The following FGGY variants were observed in gnomAD, a reference collection of about 807,000 sequenced individuals.
FGGY encodes FGGY carbohydrate kinase domain containing.
FGGY carries 72 observed loss-of-function variants against 71.3 expected under a neutral mutation model. The observed-to-expected ratio is 1.01, with a 90% CI of 0.84 to 1.23. FGGY has a LOEUF of 1.23. Among genes scored for constraint, FGGY ranks in the 50% most tolerant of loss-of-function variants. FGGY has a pLI of 0.00. For synonymous variants in FGGY, 251 were observed against 250.3 expected (o/e 1.00, Z -0.02); for missense variants, 668 against 682.3 (o/e 0.98, Z 0.23).
intron 4 of FGGY, among the ~76,000 whole-genome samples, chr1:59,351,590 C>T (rs2053309376): frequency 6.6e-6 from 1 of 152,160 alleles, no homozygotes; most frequent in Non-Finnish European, 1.5e-5. Flanking sequence ...AACCAAATGG[C>T]TGGTGCACAG....
chr1:59,558,971 C>T (rs997102646), intron 8 of FGGY, among the ~76,000 whole-genome samples: 35 of 152,184 alleles, frequency 2.3e-4, no homozygotes, highest in Non-Finnish European at 3.2e-4. Context: ...TCTTTTTGCC[C>T]GACCCCACAG....
chr1:59,737,739 G>A (rs1307587939), intron 14 of FGGY, among the ~76,000 whole-genome samples: 1 of 152,218 alleles, frequency 6.6e-6, no homozygotes, highest in African/African-American at 2.4e-5. Context: ...TCTCAGAGGT[G>A]ACGCTGGACT....
chr1:59,336,528 C>T (rs1389393106), intron 2 of FGGY, among the ~76,000 whole-genome samples: 1 of 142,238 alleles, frequency 7.0e-6, no homozygotes, highest in Non-Finnish European at 1.5e-5. Context: ...GCAGAAAGTG[C>T]AGGTTTGTTA....
At chr1:59,482,400 A>G (rs2093505431) in intron 6 of FGGY, among the ~76,000 whole-genome samples, 1 of 152,140 alleles carries the variant, frequency 6.6e-6, no homozygotes, top group African/African-American at 2.4e-5. Flanking sequence ...TATATGAATC[A>G]TGGACAAATG....
intron 1 of FGGY, among the ~76,000 whole-genome samples, chr1:59,317,370 T>C (rs1483158320): frequency 1.3e-5 from 2 of 152,170 alleles, no homozygotes; most frequent in Non-Finnish European, 2.9e-5. Flanking sequence ...TATAATAAAG[T>C]GGTGATAGGT....
intron 12 of FGGY, 71 bp from the exon 13 acceptor site, chr1:59,667,212 C>T: frequency 6.3e-7 from 1 of 1,588,154 alleles, no homozygotes; most frequent in South Asian, 1.1e-5. Flanking sequence ...ACTGAGTAGA[C>T]ATTTAAGAAG....
chr1:59,653,725 C>T (rs1017428763), intron 11 of FGGY, among the ~76,000 whole-genome samples: 7 of 152,372 alleles, frequency 4.6e-5, no homozygotes, highest in Non-Finnish European at 7.3e-5. Flanking sequence ...GCGTTGCTCA[C>T]GCTGGGAGCT....
chr1:59,733,461 GT>G (rs139679887), intron 14 of FGGY, among the ~76,000 whole-genome samples: 8 of 145,094 alleles, frequency 5.5e-5, no homozygotes, highest in East Asian at 4.0e-4. Flanking sequence ...GTTTTGTTTT[GT>G]TTTTTTGTTT....
chr1:59,712,103 A>T (rs1161057592), intron 14 of FGGY, among the ~76,000 whole-genome samples: 1 of 152,206 alleles, frequency 6.6e-6, no homozygotes, highest in East Asian at 1.9e-4. Context: ...GGGTAAATAC[A>T]GCCATTCCAA....
intron 14 of FGGY, among the ~76,000 whole-genome samples, chr1:59,728,182 A>G (rs2097972646): frequency 6.6e-6 from 1 of 151,860 alleles, no homozygotes; most frequent in Non-Finnish European, 1.5e-5. Flanking sequence ...CTCCTCTCTT[A>G]GCATATCAAT....
chr1:59,529,869 C>T (rs1570734010), intron 7 of FGGY, among the ~76,000 whole-genome samples: 1 of 152,194 alleles, frequency 6.6e-6, no homozygotes, highest in African/African-American at 2.4e-5. Context: ...CTTTTTAAAA[C>T]AAATCCATGC....
At chr1:59,350,403 A>T (rs1056589654) in intron 4 of FGGY, among the ~76,000 whole-genome samples, 4 of 152,182 alleles carry the variant, frequency 2.6e-5, no homozygotes, top group African/African-American at 9.7e-5. Context: ...TGCTTTGGGA[A>T]AAAGGATTTG....
At chr1:59,727,838 A>G (rs1421214970) in intron 14 of FGGY, among the ~76,000 whole-genome samples, 2 of 152,086 alleles carry the variant, frequency 1.3e-5, no homozygotes, top group African/African-American at 4.8e-5. Flanking sequence ...CTTGTCTCCA[A>G]TGTCTCTTTT....
At chr1:59,426,886 A>G (rs558648777) in intron 5 of FGGY, among the ~76,000 whole-genome samples, 1 of 151,934 alleles carries the variant, frequency 6.6e-6, no homozygotes, top group South Asian at 2.1e-4. Context: ...GGTTGCCTGC[A>G]ATTCTGTCAG....
intron 7 of FGGY, among the ~76,000 whole-genome samples, chr1:59,548,342 T>C (rs924065507): frequency 3.3e-5 from 5 of 152,224 alleles, no homozygotes; most frequent in African/African-American, 1.2e-4. Flanking sequence ...ACCCTGCTCA[T>C]GCCAGGCAAT....
intron 8 of FGGY, among the ~76,000 whole-genome samples, chr1:59,583,896 T>C (rs1455083093): frequency 7.0e-6 from 1 of 143,760 alleles, no homozygotes; most frequent in Non-Finnish European, 1.5e-5. Flanking sequence ...TGGAAGCAGG[T>C]CTGATGCAGC....
intron 5 of FGGY, among the ~76,000 whole-genome samples, chr1:59,383,722 C>T (rs538621120): frequency 6.0e-4 from 91 of 152,324 alleles, no homozygotes; most frequent in Middle Eastern, 6.8e-3. Flanking sequence ...CCCAGACATT[C>T]TTTTCTATTG....
chr1:59,474,298 C>A (rs532366908), intron 6 of FGGY: 2 of 152,328 alleles, frequency 1.3e-5, no homozygotes, highest in East Asian at 3.9e-4. Flanking sequence ...AGGTCACCCC[C>A]AACTTCTCTT....
At chr1:59,563,721 C>T (rs2095831290) in intron 8 of FGGY, among the ~76,000 whole-genome samples, 2 of 152,180 alleles carry the variant, frequency 1.3e-5, no homozygotes, top group African/African-American at 4.8e-5. Context: ...AAAAAAGAGC[C>T]TGTATAGCCA....
Sources: gnomAD v4.1 joint callset for allele counts (sites outside exome capture counted in the v4.1 genomes callset) on GRCh38, gnomAD v4.1.1 for gene constraint, MANE v1.5 for transcripts, NCBI Gene and HGNC (gene_info 2026-07-23, HGNC 2026-07-21) for gene names.